The following RBFOX1 variants were observed in gnomAD, a reference collection of about 807,000 sequenced individuals.
RBFOX1 encodes RNA binding protein fox-1 homolog 1.
Under a neutral mutation model 57.7 loss-of-function variants are expected in RBFOX1, and 8 were observed. The observed-to-expected ratio is 0.14, with a 90% CI of 0.08 to 0.25. The LOEUF (loss-of-function observed/expected upper bound fraction) is 0.25. Among genes scored for constraint, RBFOX1 ranks in the 10% least tolerant of loss-of-function variants. The pLI is 1.00. For missense variants in RBFOX1, 611 were observed against 548.5 expected, an observed-to-expected ratio of 1.11 and a Z score of -1.14; for synonymous variants, 326 against 222.4, an observed-to-expected ratio of 1.47 and a Z score of -4.15.
chr16:6,073,880 T>G (rs1262939221), intron 1 of RBFOX1, among the ~76,000 whole-genome samples: 1 of 152,154 alleles, frequency 6.6e-6, no homozygotes, highest in African/African-American at 2.4e-5. Flanking sequence ...GTGGAGGGCC[T>G]GGAGGTGTTA....
chr16:6,397,618 G>A (rs2152946725), intron 2 of RBFOX1, among the ~76,000 whole-genome samples: 1 of 152,332 alleles, frequency 6.6e-6, no homozygotes, highest in South Asian at 2.1e-4. Flanking sequence ...AGGGAACATG[G>A]TAAATATGTG....
chr16:5,742,446 G>A (rs1039640917), intron 3 of RBFOX1, among the ~76,000 whole-genome samples: 3 of 152,034 alleles, frequency 2.0e-5, no homozygotes, highest in African/African-American at 7.2e-5. Flanking sequence ...GATTTAAAAT[G>A]TAAAAGTGGG....
chr16:6,795,880 C>T (rs1248363787), intron 3 of RBFOX1, among the ~76,000 whole-genome samples: 1 of 151,964 alleles, frequency 6.6e-6, no homozygotes. Context: ...CCCCTGCCTT[C>T]CCTTTCCTTT....
chr16:7,637,768 G>A (rs1307127451), intron 11 of RBFOX1, among the ~76,000 whole-genome samples: 1 of 152,100 alleles, frequency 6.6e-6, no homozygotes, highest in Non-Finnish European at 1.5e-5. Context: ...TTATGGAGGG[G>A]GTGCTTAACA....
chr16:5,263,005 A>T (rs777237918), intron 1 of RBFOX1, among the ~76,000 whole-genome samples: 3 of 150,502 alleles, frequency 2.0e-5, no homozygotes, highest in Non-Finnish European at 4.4e-5. Context: ...CTTTCTGGGG[A>T]GTGGGAGATC....
At chr16:7,624,994 G>T (rs779158358) in intron 10 of RBFOX1, among the ~76,000 whole-genome samples, 1 of 152,134 alleles carries the variant, frequency 6.6e-6, no homozygotes, top group East Asian at 1.9e-4. Context: ...CGGAGAGTGG[G>T]GCCTGGAACA....
At chr16:5,718,868 C>T (rs7197988) in intron 3 of RBFOX1, among the ~76,000 whole-genome samples, 84,881 of 151,656 alleles carry the variant, frequency 0.56, 26,657 homozygotes, top group Non-Finnish European at 0.72. Flanking sequence ...GAGACTGCAC[C>T]AATTTACCCC....
chr16:6,627,021 C>G (rs948417014), intron 2 of RBFOX1, among the ~76,000 whole-genome samples: 8 of 152,180 alleles, frequency 5.3e-5, no homozygotes, highest in African/African-American at 1.9e-4. Context: ...GGCTATGTTG[C>G]CGAAGGCTAC....
At chr16:6,142,350 T>G (rs970568338) in intron 1 of RBFOX1, among the ~76,000 whole-genome samples, 23 of 150,508 alleles carry the variant, frequency 1.5e-4, no homozygotes, top group Non-Finnish European at 2.8e-4. Flanking sequence ...GCCTCCCGAG[T>G]AGCTGGGACT....
chr16:6,141,487 C>A (rs1379433468), intron 1 of RBFOX1, among the ~76,000 whole-genome samples: 1 of 152,130 alleles, frequency 6.6e-6, no homozygotes, highest in Non-Finnish European at 1.5e-5. Context: ...CAACTATGTT[C>A]ATCCTCTGCG....
chr16:7,131,820 T>G (rs900783001), intron 4 of RBFOX1, among the ~76,000 whole-genome samples: 1 of 151,912 alleles, frequency 6.6e-6, no homozygotes, highest in Non-Finnish European at 1.5e-5. Flanking sequence ...TACATGAGAT[T>G]AATTTTTCCC....
At chr16:6,874,421 A>G (rs2061467884) in intron 3 of RBFOX1, among the ~76,000 whole-genome samples, 1 of 149,682 alleles carries the variant, frequency 6.7e-6, no homozygotes, top group African/African-American at 2.5e-5. Flanking sequence ...GAGGCAGGAG[A>G]ACTGCTTGAA....
intron 2 of RBFOX1, among the ~76,000 whole-genome samples, chr16:6,477,710 G>A (rs1005470099): frequency 6.6e-6 from 1 of 152,160 alleles, no homozygotes; most frequent in African/African-American, 2.4e-5. Context: ...AAGCTTTAAA[G>A]CCAGGTGTTG....
intron 3 of RBFOX1, among the ~76,000 whole-genome samples, chr16:5,623,218 G>A (rs1383228682): frequency 6.6e-6 from 1 of 152,136 alleles, no homozygotes; most frequent in East Asian, 1.9e-4. Context: ...AAGAGAAGGG[G>A]TGTGGTACAT....
intron 2 of RBFOX1, among the ~76,000 whole-genome samples, chr16:5,557,245 G>C (rs1417329596): frequency 6.6e-6 from 1 of 151,068 alleles, no homozygotes; most frequent in East Asian, 1.9e-4. Context: ...GGGTGACAGA[G>C]TGAGACTCCA....
chr16:6,786,754 G>C (rs932164418), intron 3 of RBFOX1, among the ~76,000 whole-genome samples: 3 of 152,080 alleles, frequency 2.0e-5, no homozygotes, highest in African/African-American at 4.8e-5. Flanking sequence ...TTGGAAATGA[G>C]ATACTTAAAG....
intron 3 of RBFOX1, among the ~76,000 whole-genome samples, chr16:6,993,202 T>C (rs2091779341): frequency 6.6e-6 from 1 of 150,994 alleles, no homozygotes; most frequent in Non-Finnish European, 1.5e-5. Context: ...GGCTGAATGG[T>C]ATTGATAGCT....
chr16:6,868,406 G>T (rs2060298367), intron 3 of RBFOX1, among the ~76,000 whole-genome samples: 1 of 152,080 alleles, frequency 6.6e-6, no homozygotes, highest in Non-Finnish European at 1.5e-5. Context: ...TTGGGTTAGT[G>T]TTCAAATTGG....
At chr16:6,532,189 ACT>A (rs1261883823) in intron 2 of RBFOX1, among the ~76,000 whole-genome samples, 2 of 152,110 alleles carry the variant, frequency 1.3e-5, no homozygotes, top group Non-Finnish European at 2.9e-5. Context: ...CCTTTAGGAA[ACT>A]CTTTATCTTC....
Sources: allele counts gnomAD v4.1 joint callset (sites outside exome capture counted in the v4.1 genomes callset), GRCh38; gene constraint gnomAD v4.1.1; transcripts MANE v1.5; gene names NCBI Gene and HGNC (gene_info 2026-07-23, HGNC 2026-07-21).